G3BP2: variants seen among roughly 807,000 people sequenced by gnomAD.
The protein encoded by G3BP2 is ras GTPase-activating protein-binding protein 2.
In G3BP2, 11 loss-of-function variants were observed where a neutral mutation model predicts 56.7. The ratio of observed to expected loss-of-function variants is 0.19; its 90% confidence interval spans 0.12 to 0.32. G3BP2 has a LOEUF of 0.32. Ranked by LOEUF, G3BP2 falls within the 10% of genes least tolerant of loss-of-function variation. The pLI, the probability that G3BP2 is intolerant of heterozygous loss-of-function variation, is 1.00. For synonymous variants in G3BP2, 165 were observed against 191.6 expected, an observed-to-expected ratio of 0.86 and a Z score of 1.15; for missense variants, 340 against 610.9, an observed-to-expected ratio of 0.56 and a Z score of 4.67.
intron 3 of G3BP2, among the ~76,000 whole-genome samples, chr4:75,704,012 GT>G (rs11315970): frequency 0.85 from 117,628 of 138,918 alleles, 49,459 homozygotes; most frequent in East Asian, 0.89. Flanking sequence ...TCTATGAAAG[GT>G]TTTTTTTTTT....
intron 3 of G3BP2, among the ~76,000 whole-genome samples, chr4:75,698,941 C>T (rs528848797): frequency 6.6e-6 from 1 of 152,240 alleles, no homozygotes; most frequent in East Asian, 1.9e-4. Context: ...AGACATCCTC[C>T]CAAAGTGCTG....
upstream of G3BP2, among the ~76,000 whole-genome samples, chr4:75,674,297 A>G (rs1373611439): frequency 6.6e-6 from 1 of 152,318 alleles, no homozygotes; most frequent in East Asian, 1.9e-4. Flanking sequence ...AAAGGAAAAA[A>G]TACATTAATG....
At chr4:75,650,491 G>C (rs191617196) in intron 8 of G3BP2, among the ~76,000 whole-genome samples, 3 of 148,686 alleles carry the variant, frequency 2.0e-5, no homozygotes, top group East Asian at 3.9e-4. Flanking sequence ...TTCAGCCACT[G>C]TAACCAAAAG....
intron 6 of G3BP2, 86 bp from the exon 7 acceptor site, chr4:75,655,332 G>C: frequency 1.1e-6 from 1 of 913,974 alleles, no homozygotes; most frequent in Non-Finnish European, 1.7e-6. Flanking sequence ...GGTGTAACTA[G>C]TTATATGCCA....
chr4:75,683,424 C>T (rs192504570), intron 3 of G3BP2, among the ~76,000 whole-genome samples: 389 of 152,062 alleles, frequency 2.6e-3, no homozygotes, highest in African/African-American at 8.9e-3. Context: ...ATTAGCTGGG[C>T]GTGGTGGCGT....
At chr4:75,678,860 CA>C in intron 3 of G3BP2, among the ~76,000 whole-genome samples, 1 of 152,148 alleles carries the variant, frequency 6.6e-6, no homozygotes, top group Non-Finnish European at 1.5e-5. Flanking sequence ...AACATTTTAA[CA>C]GTGTCTGGCA....
upstream of G3BP2, among the ~76,000 whole-genome samples, chr4:75,674,714 ATATATTTTTTTT>A (rs1250720452): frequency 3.6e-5 from 2 of 54,820 alleles, no homozygotes; most frequent in East Asian, 1.8e-3. Flanking sequence ...ATATATATAT[ATATATTTTTTTT>A]TTTTTTTTTT....
At chr4:75,688,417 T>C (rs768220968) in intron 3 of G3BP2, among the ~76,000 whole-genome samples, 4 of 152,206 alleles carry the variant, frequency 2.6e-5, no homozygotes, top group Non-Finnish European at 5.9e-5. Context: ...TTTATGGCTA[T>C]TTTGTTTGTT....
At chr4:75,662,221 ATT>A (rs33965828) in intron 1 of G3BP2, 172 bp from the exon 2 acceptor site, 53,864 of 285,132 alleles carry the variant, frequency 0.19, 2,000 homozygotes, top group South Asian at 0.32. Flanking sequence ...ACCTGAAATA[ATT>A]TTTTTTTTTT....
chr4:75,656,273 T>A (rs1732106562), intron 5 of G3BP2, among the ~76,000 whole-genome samples: 1 of 145,414 alleles, frequency 6.9e-6, no homozygotes, highest in African/African-American at 2.6e-5. Flanking sequence ...ATTCCGGGCA[T>A]GAGCCACCGC....
At position 75,653,852 on chromosome 4, in the gene G3BP2, C is replaced by T. The variant is rs1302917623; in HGVS notation, c.825+131G>A. The T allele has an allele frequency of 8.8e-6, 5 of 565,586 alleles. No homozygotes were observed. The Admixed American group carries it at 1.4e-4, about 16-fold the overall frequency. 35.0% of individuals were successfully genotyped at this position (565,586 alleles called of 1,614,324 possible). ...AGATTTGACATTTAAAGTGGGTGCA[C>T]TGACATATAATACAAGTTTTTTGTA... On this transcript the variant is annotated intron_variant, in intron 8 of 11. Transcript: ENST00000359707.
chr4:75,688,359 G>T (rs1718709656), intron 3 of G3BP2, among the ~76,000 whole-genome samples: 1 of 152,158 alleles, frequency 6.6e-6, no homozygotes, highest in Non-Finnish European at 1.5e-5. Context: ...AAGATTGATA[G>T]AGGTTCGGCA....
At chr4:75,666,442 C>G (rs1733040681) in intron 1 of G3BP2, among the ~76,000 whole-genome samples, 1 of 152,124 alleles carries the variant, frequency 6.6e-6, no homozygotes. Flanking sequence ...AAAACAAAAT[C>G]AAGATTTACT....
At chr4:75,705,465 C>T (rs1188892710) in intron 3 of G3BP2, among the ~76,000 whole-genome samples, 1 of 152,206 alleles carries the variant, frequency 6.6e-6, no homozygotes, top group Non-Finnish European at 1.5e-5. Context: ...TCTCTAGTCG[C>T]TTCCCTGTGG....
chr4:75,666,755 C>T (rs1733070396), intron 1 of G3BP2, among the ~76,000 whole-genome samples: 1 of 152,118 alleles, frequency 6.6e-6, no homozygotes, highest in African/African-American at 2.4e-5. Context: ...AAGAATTGTG[C>T]CATTTTTATT....
At chr4:75,686,497 C>T (rs924660421) in intron 3 of G3BP2, among the ~76,000 whole-genome samples, 6 of 143,180 alleles carry the variant, frequency 4.2e-5, no homozygotes, top group South Asian at 2.2e-4. Flanking sequence ...AATGAGCCAG[C>T]GAAGGAAGTG....
intron 3 of G3BP2, among the ~76,000 whole-genome samples, chr4:75,699,132 T>G (rs571106646): frequency 6.6e-6 from 1 of 152,196 alleles, no homozygotes; most frequent in Admixed American, 6.6e-5. Flanking sequence ...ACATTGCTTC[T>G]GTAGTTCTCC....
rs1293157197 is a variant in G3BP2, at chr4:75,698,363, G to A, written c.-25+22514C>T. On this transcript the variant is annotated intron_variant, in intron 3 of 3. Transcript: ENST00000499709. ...AGGTGGCTTCTAGAATCTGGGAAGG[G>A]CAAGGAAACCAATTCTTTCCTAGAG... 2.0e-5 allele frequency among the ~76,000 whole-genome samples: 3 copies of A among 152,268 alleles called. No homozygotes were observed. The East Asian group carries it at 5.8e-4, about 29-fold the overall frequency.
intron 9 of G3BP2, among the ~76,000 whole-genome samples, 179 bp from the exon 10 acceptor site, chr4:75,647,336 C>T (rs1197688753): frequency 6.6e-6 from 1 of 152,164 alleles, no homozygotes; most frequent in East Asian, 1.9e-4. Flanking sequence ...CAGCATGACA[C>T]TAAAATGTAA....
Sources: allele counts gnomAD v4.1 joint callset (sites outside exome capture counted in the v4.1 genomes callset), GRCh38; gene constraint gnomAD v4.1.1; transcripts MANE v1.5; gene names NCBI Gene and HGNC (gene_info 2026-07-23, HGNC 2026-07-21).